MAP3K4: variants seen among roughly 807,000 people sequenced by gnomAD.
MAP3K4 encodes mitogen-activated protein kinase kinase kinase 4.
Under a neutral mutation model 185.6 loss-of-function variants are expected in MAP3K4, and 67 were observed. The ratio of observed to expected loss-of-function variants is 0.36; its 90% CI spans 0.30 to 0.44. The LOEUF is 0.44. MAP3K4 is among the 20% of genes least tolerant of loss of function. The probability of loss-of-function intolerance (pLI) is 1.00; values close to 1 mark genes in which losing one functional copy is unlikely to be tolerated. For missense variants in MAP3K4, 1,551 were observed against 1,995.1 expected (o/e 0.78, Z 4.24); for synonymous variants, 702 against 710.4 (o/e 0.99, Z 0.19).
chr6:161,002,071 T>G (rs1458304590), intron 1 of MAP3K4, among the ~76,000 whole-genome samples: 2 of 150,754 alleles, frequency 1.3e-5, no homozygotes, highest in Non-Finnish European at 3.0e-5. Context: ...TTTTTTTTTT[T>G]GGATCTAGCT....
intron 6 of MAP3K4, 72 bp downstream of exon 6, chr6:161,081,110 C>T: frequency 6.7e-7 from 1 of 1,490,594 alleles, no homozygotes; most frequent in South Asian, 1.2e-5. Flanking sequence ...CACTGATTCT[C>T]TCCTATGTGT....
intron 11 of MAP3K4, among the ~76,000 whole-genome samples, chr6:161,090,104 C>G (rs776581351): frequency 2.6e-5 from 4 of 152,222 alleles, no homozygotes; most frequent in Non-Finnish European, 5.9e-5. Flanking sequence ...AAGAAACATT[C>G]TCTGAAGTTA....
chr6:161,016,390 C>G (rs532428271), intron 1 of MAP3K4, among the ~76,000 whole-genome samples: 1 of 152,082 alleles, frequency 6.6e-6, no homozygotes, highest in East Asian at 1.9e-4. Flanking sequence ...TTTTGTTGTT[C>G]GTGCTTTTGT....
chr6:160,994,766 T>C (rs1424615842), intron 1 of MAP3K4, among the ~76,000 whole-genome samples: 1 of 152,178 alleles, frequency 6.6e-6, no homozygotes, highest in Non-Finnish European at 1.5e-5. Context: ...AGTGGCGTGA[T>C]CTCAGCTCGC....
intron 1 of MAP3K4, among the ~76,000 whole-genome samples, chr6:161,018,537 A>G (rs1318462850): frequency 6.6e-6 from 1 of 152,228 alleles, no homozygotes; most frequent in Non-Finnish European, 1.5e-5. Context: ...CCAAGCTTGA[A>G]AACAAATCTT....
At position 161,086,676 on chromosome 6, in the gene MAP3K4, T is replaced by A. The variant is rs769240364; in HGVS notation, c.2556+9T>A. 1.3e-6 allele frequency: 2 copies of A among 1,599,972 alleles called. No homozygotes were observed. The highest frequency in any genetic ancestry group is 4.5e-5 in the East Asian group (2 of 44,810). On this transcript the variant is annotated intron_variant, in intron 9 of 26. Coordinates refer to ENST00000392142, the MANE Select transcript of MAP3K4 (RefSeq NM_005922.4). The surrounding 1 kb of genome is among the most constrained non-coding windows in gnomAD (Gnocchi z 4.8). ...CAAAACAGTATGTCAAGGTAAGTAC[T>A]TCAAATGTTGTGATTGAAACATTTT...
chr6:161,040,061 G>T (rs1288854378), intron 2 of MAP3K4, among the ~76,000 whole-genome samples: 1 of 152,130 alleles, frequency 6.6e-6, no homozygotes. Context: ...GATATTGTGC[G>T]TGTCATTCTG....
Position 161,088,999 on chromosome 6 carries a change from C to T in MAP3K4, c.2824-323C>T, listed in dbSNP as rs1167630407. 6.6e-6 allele frequency among the ~76,000 whole-genome samples: 1 copy of T among 151,784 alleles called. No homozygotes were observed. The highest frequency in any genetic ancestry group is 1.5e-5 in the Non-Finnish European group (1 of 68,016). On this transcript the variant is annotated intron_variant, in intron 10 of 26. Transcript: ENST00000392142. This position sits in a 1 kb window ranked among gnomAD's most constrained non-coding sequence, Gnocchi z 4.5. Reference sequence around the variant, plus strand: ...CTTCTTCATATGCTGCTCCAATACACACACACATGCACACATACACACACA... The same window carrying T: ...CTTCTTCATATGCTGCTCCAATACATACACACATGCACACATACACACACA...
Position 161,080,764 on chromosome 6 carries a change from C to A in MAP3K4, c.2098-117C>A, listed in dbSNP as rs547101360. Reference sequence around the variant, plus strand: ...CCTTGCTTCTGTCGGTGCTGCGTGCCTGTGACAGCCCCCGGCCCGCCCCCA... The same window carrying A: ...CCTTGCTTCTGTCGGTGCTGCGTGCATGTGACAGCCCCCGGCCCGCCCCCA... On this transcript the variant is annotated intron_variant, in intron 5 of 26. Transcript: ENST00000392142. This position sits in a 1 kb window ranked among gnomAD's most constrained non-coding sequence, Gnocchi z 4.8. 1 of 814,896 alleles carries A rather than the reference C, an allele frequency of 1.2e-6. No homozygotes were observed. The allele number at this position is 814,896 out of a possible 1,614,324, so 50.5% of individuals were successfully genotyped here.
chr6:161,081,195 G>A (rs996833071), intron 6 of MAP3K4, among the ~76,000 whole-genome samples, 157 bp downstream of exon 6: 2 of 151,266 alleles, frequency 1.3e-5, no homozygotes, highest in Non-Finnish European at 2.9e-5. Flanking sequence ...TTTGAGTGGT[G>A]TTTCTCAGTC....
chr6:161,067,320 AT>A lies in MAP3K4; in HGVS notation c.1708-3281del, dbSNP rs1291523441. ...AGGTAGGTAAGAGACAAAACGTTAC[AT>A]TTTTTTGAATTTCTGATTAGCTTCC... is the stretch of plus-strand genomic sequence containing the variant. On this transcript the variant is annotated intron_variant, in intron 3 of 26. Coordinates refer to ENST00000392142, the MANE Select transcript of MAP3K4 (RefSeq NM_005922.4). This position sits in a 1 kb window ranked among gnomAD's most constrained non-coding sequence, Gnocchi z 6.3. 13 of 394,324 alleles carry A rather than the reference AT, an allele frequency of 3.3e-5. No individual in the cohort carries two copies. Among genetic ancestry groups the A allele is most frequent in the African/African-American group, 4.2e-5 (2 of 47,874 alleles). The allele number at this position is 394,324 out of a possible 1,614,324, so 24.4% of individuals were successfully genotyped here.
chr6:161,090,393 C>T (rs9365250), intron 11 of MAP3K4, among the ~76,000 whole-genome samples: 54,986 of 146,926 alleles, frequency 0.37, 10,115 homozygotes, highest in East Asian at 0.77. Flanking sequence ...TGGATGTGGA[C>T]GTTTGGGCCC....
At chr6:161,032,947 A>C (rs1783000093) in intron 1 of MAP3K4, among the ~76,000 whole-genome samples, 1 of 152,212 alleles carries the variant, frequency 6.6e-6, no homozygotes. Context: ...TGCAGTTATT[A>C]AAAAATCAGT....
Position 161,073,877 on chromosome 6 carries a change from A to G in MAP3K4, c.2097+265A>G, listed in dbSNP as rs968026239. 2.0e-5 allele frequency among the ~76,000 whole-genome samples: 3 copies of G among 152,196 alleles called. No individual in the cohort carries two copies. The highest frequency in any genetic ancestry group is 7.2e-5 in the African/African-American group (3 of 41,438). On this transcript the variant is annotated intron_variant, in intron 5 of 26. Transcript: ENST00000392142. The surrounding 1 kb of genome is among the most constrained non-coding windows in gnomAD (Gnocchi z 4.2). The stretch of plus-strand genomic sequence containing the variant: ...GAAATCCACATTTAAAAAATTCTCA[A>G]TTGTTTTTAAGTTGGAAGTTTTTGA...
intron 2 of MAP3K4, among the ~76,000 whole-genome samples, chr6:161,039,673 G>C (rs1322332922): frequency 6.6e-6 from 1 of 152,174 alleles, no homozygotes; most frequent in Admixed American, 6.5e-5. Flanking sequence ...AGAAATTAGA[G>C]ATAAAACATT....
chr6:161,077,637 G>A lies in MAP3K4; in HGVS notation c.2098-3244G>A, dbSNP rs1039410681. On this transcript the variant is annotated intron_variant, in intron 5 of 26. Transcript: ENST00000392142. The surrounding 1 kb of genome is among the most constrained non-coding windows in gnomAD (Gnocchi z 4.3). ...GCACATGCAAGTCCTTGGATTAGAG[G>A]GGGTAACATACATTCAGAAAGAAGT... 6.6e-6 allele frequency among the ~76,000 whole-genome samples: 1 copy of A among 152,124 alleles called. No individual in the cohort carries two copies. The highest frequency in any genetic ancestry group is 1.5e-5 in the Non-Finnish European group (1 of 68,030).
intron 2 of MAP3K4, among the ~76,000 whole-genome samples, chr6:161,038,036 CTTTCT>C (rs1021057452): frequency 8.5e-5 from 13 of 152,126 alleles, no homozygotes; most frequent in African/African-American, 3.1e-4. Context: ...CATCCTCTTC[CTTTCT>C]TTTCTTTCTT....
intron 5 of MAP3K4, among the ~76,000 whole-genome samples, chr6:161,078,811 T>A (rs1785300654): frequency 6.6e-6 from 1 of 152,062 alleles, no homozygotes; most frequent in Non-Finnish European, 1.5e-5. Context: ...AGTCCATAGG[T>A]GACAGTCTGA....
rs753473548 is a variant in MAP3K4 at position 161,098,337 on chromosome 6, CTG to C, written c.3585_3586del (p.Ala1196CysfsTer15). On this transcript the variant is annotated frameshift_variant, in exon 17 of 27. Coordinates refer to ENST00000392142, the MANE Select transcript of MAP3K4 (RefSeq NM_005922.4). LOFTEE classifies it high-confidence loss of function. This position sits in a 1 kb window ranked among gnomAD's most constrained non-coding sequence, Gnocchi z 4.4. ...GGCAGCCCTGCTGCTGCTGCTGCTGCTGCTGCTGCTGCTGTTGCTGCCAGTCG... is the reference window on the plus strand; with the variant it reads ...GGCAGCCCTGCTGCTGCTGCTGCTGCCTGCTGCTGCTGTTGCTGCCAGTCG... 6.8e-6 allele frequency: 11 copies of C among 1,612,994 alleles called. No individual in the cohort carries two copies. Among genetic ancestry groups the C allele is most frequent in the Non-Finnish European group, 9.3e-6 (11 of 1,179,688 alleles).
Sources: gnomAD v4.1 joint callset for allele counts (sites outside exome capture counted in the v4.1 genomes callset) on GRCh38, gnomAD v4.1.1 for gene constraint, Gnocchi (gnomAD v3.1) non-coding constraint, MANE v1.5 for transcripts, NCBI Gene and HGNC (gene_info 2026-07-23, HGNC 2026-07-21) for gene names.